Variants in IFTAP observed in about 807,000 individuals in gnomAD.
IFTAP encodes the protein intraflagellar transport associated protein.
IFTAP carries 19 observed loss-of-function variants against 19.4 expected under a neutral mutation model. That is an observed-to-expected ratio of 0.98 (90% CI 0.68 to 1.44). The LOEUF is 1.44. IFTAP is among the 40% of genes most tolerant of loss of function. The probability of loss-of-function intolerance (pLI) is 0.00; values close to 1 mark genes in which losing one functional copy is unlikely to be tolerated. For synonymous variants in IFTAP, 85 were observed against 83.5 expected (o/e 1.02, Z -0.10); for missense variants, 240 against 253.6 (o/e 0.95, Z 0.36).
At chr11:36,641,679 G>A (rs1853206893) in intron 4 of IFTAP, among the ~76,000 whole-genome samples, 1 of 152,146 alleles carries the variant, frequency 6.6e-6, no homozygotes, top group Admixed American at 6.5e-5. Context: ...TTGCTGAGGA[G>A]TGCTTTACTT....
chr11:36,643,661 T>A (rs1284347634), intron 4 of IFTAP, among the ~76,000 whole-genome samples: 1 of 151,996 alleles, frequency 6.6e-6, no homozygotes, highest in Non-Finnish European at 1.5e-5. Context: ...TATAGACCAA[T>A]GGAAAAGAAC....
At chr11:36,640,365 A>T (rs948206519) in intron 4 of IFTAP, among the ~76,000 whole-genome samples, 1 of 152,242 alleles carries the variant, frequency 6.6e-6, no homozygotes, top group Non-Finnish European at 1.5e-5. Context: ...AGTAGTAAAA[A>T]TTATTAATTT....
At chr11:36,638,723 T>TA (rs1853066583) in intron 4 of IFTAP, among the ~76,000 whole-genome samples, 2 of 152,212 alleles carry the variant, frequency 1.3e-5, no homozygotes, top group African/African-American at 4.8e-5. Context: ...GTTTACTGAT[T>TA]AGATTCCGTT....
intron 3 of IFTAP, among the ~76,000 whole-genome samples, chr11:36,634,436 T>C (rs1403840789): frequency 6.6e-6 from 1 of 152,084 alleles, no homozygotes; most frequent in Non-Finnish European, 1.5e-5. Context: ...GAATCAGAGC[T>C]CCTGAAACCT....
chr11:36,594,759 CA>C (rs1293426931), intron 1 of IFTAP, 167 bp downstream of exon 1: 1 of 154,690 alleles, frequency 6.5e-6, no homozygotes, highest in African/African-American at 2.4e-5. Context: ...GACTTTTGAA[CA>C]GGTGACCCGA....
chr11:36,633,474 C>A, intron 3 of IFTAP, 36 bp downstream of exon 3: 1 of 1,405,074 alleles, frequency 7.1e-7, no homozygotes, highest in Non-Finnish European at 9.4e-7. Flanking sequence ...GAAACAATCT[C>A]AGAAGAAAAG....
chr11:36,648,211 C>A, intron 5 of IFTAP, 56 bp downstream of exon 5: 1 of 1,564,932 alleles, frequency 6.4e-7, no homozygotes, highest in Non-Finnish European at 8.7e-7. Flanking sequence ...GTAATTCATC[C>A]CTTCAAAGAA....
intron 2 of IFTAP, among the ~76,000 whole-genome samples, chr11:36,624,692 G>T (rs78910390): frequency 0.012 from 1,820 of 152,260 alleles, 21 homozygotes; most frequent in East Asian, 0.031. Context: ...GAGAAGTGAG[G>T]TGTGTGCTTT....
chr11:36,623,236 TAAATG>T (rs1279316413), intron 2 of IFTAP, among the ~76,000 whole-genome samples: 1 of 152,140 alleles, frequency 6.6e-6, no homozygotes, highest in Admixed American at 6.6e-5. Flanking sequence ...GAAAATACTC[TAAATG>T]AAATCTGGGA....
At chr11:36,648,277 C>A in intron 5 of IFTAP, 122 bp downstream of exon 5, 1 of 1,211,512 alleles carries the variant, frequency 8.3e-7, no homozygotes, top group Non-Finnish European at 1.1e-6. Context: ...ATTCAAGTTG[C>A]TTAATTGGTC....
chr11:36,656,263 T>C (rs1853979842), intron 5 of IFTAP, among the ~76,000 whole-genome samples: 2 of 152,116 alleles, frequency 1.3e-5, no homozygotes, highest in Admixed American at 1.3e-4. Context: ...TTCTGGAGAC[T>C]GGCAAAACTC....
rs559735360 is a variant in IFTAP, at chr11:36,594,543, C to T, written c.-73C>T. On this transcript the variant is annotated 5_prime_UTR_variant, in exon 1 of 6. Transcript: ENST00000334307. The stretch of plus-strand genomic sequence containing the variant: ...GCTTTGGAAATCTGTCTTTGTTGCT[C>T]TGGGAGAGGGGACTCCTGGAATGTG... 172 of 269,178 alleles carry T rather than the reference C, an allele frequency of 6.4e-4. No homozygotes were observed. Among genetic ancestry groups the T allele is most frequent in the African/African-American group, 3.7e-3 (168 of 45,406 alleles). The allele number at this position is 269,178 out of a possible 1,614,324, so 16.7% of individuals were successfully genotyped here.
intron 2 of IFTAP, among the ~76,000 whole-genome samples, chr11:36,626,795 C>T (rs968717603): frequency 6.6e-6 from 1 of 151,092 alleles, no homozygotes; most frequent in African/African-American, 2.5e-5. Context: ...AGCATTTCTA[C>T]CATTGGGTGT....
intron 1 of IFTAP, among the ~76,000 whole-genome samples, chr11:36,606,345 C>T (rs2133367021): frequency 6.6e-6 from 1 of 152,228 alleles, no homozygotes; most frequent in Admixed American, 6.5e-5. Context: ...CGCCTGTAAT[C>T]CCAGCTACTC....
intron 4 of IFTAP, among the ~76,000 whole-genome samples, chr11:36,642,281 C>T (rs10400354): frequency 4.6e-5 from 7 of 152,000 alleles, no homozygotes; most frequent in Non-Finnish European, 8.8e-5. Context: ...TTCCTGGACA[C>T]ATACACCCTT....
At chr11:36,596,576 T>C (rs1436600445) in intron 1 of IFTAP, among the ~76,000 whole-genome samples, 1 of 152,210 alleles carries the variant, frequency 6.6e-6, no homozygotes, top group East Asian at 1.9e-4. Context: ...GGAGACATTA[T>C]TGACCCTCAC....
intron 4 of IFTAP, among the ~76,000 whole-genome samples, chr11:36,636,340 G>A (rs907351396): frequency 1.2e-4 from 19 of 152,146 alleles, no homozygotes; most frequent in Non-Finnish European, 1.9e-4. Context: ...ATAAAGATGT[G>A]CTCTCCCCCT....
chr11:36,634,644 A>C (rs1052483224), intron 3 of IFTAP, among the ~76,000 whole-genome samples: 1 of 152,188 alleles, frequency 6.6e-6, no homozygotes, highest in Non-Finnish European at 1.5e-5. Flanking sequence ...GAAGGCCAAA[A>C]AATTGGCAGT....
chr11:36,650,375 T>C (rs1251411518), intron 5 of IFTAP, among the ~76,000 whole-genome samples: 2 of 152,032 alleles, frequency 1.3e-5, no homozygotes. Context: ...AATTTTGTTT[T>C]TTTTAATTTT....
Sources: gnomAD v4.1 joint callset for allele counts (sites outside exome capture counted in the v4.1 genomes callset) on GRCh38, gnomAD v4.1.1 for gene constraint, MANE v1.5 for transcripts, NCBI Gene and HGNC (gene_info 2026-07-23, HGNC 2026-07-21) for gene names.